UNC5D: variants seen among roughly 807,000 people sequenced by gnomAD.
UNC5D encodes netrin receptor UNC5D.
A neutral mutation model predicts 105.4 loss-of-function variants in UNC5D; 39 were observed. The observed-to-expected ratio is 0.37, with a 90% confidence interval of 0.29 to 0.48. The LOEUF (loss-of-function observed/expected upper bound fraction) is 0.48. Ranked by LOEUF, UNC5D falls within the 20% of genes least tolerant of loss-of-function variation. The pLI, the probability that UNC5D is intolerant of heterozygous loss-of-function variation, is 0.98. For synonymous variants in UNC5D, 452 were observed against 450.4 expected (o/e 1.00, Z -0.04); for missense variants, 991 against 1,202.4 (o/e 0.82, Z 2.60).
At chr8:35,462,481 T>A (rs1808972243) in intron 1 of UNC5D, among the ~76,000 whole-genome samples, 1 of 152,166 alleles carries the variant, frequency 6.6e-6, no homozygotes, top group Non-Finnish European at 1.5e-5. Context: ...TTATTATGCA[T>A]CATTTTAAAC....
intron 1 of UNC5D, among the ~76,000 whole-genome samples, chr8:35,404,045 T>C (rs1393136221): frequency 6.6e-6 from 1 of 152,178 alleles, no homozygotes; most frequent in Non-Finnish European, 1.5e-5. Context: ...GTCCCGCAGA[T>C]GGTATTCCCT....
intron 1 of UNC5D, among the ~76,000 whole-genome samples, chr8:35,481,642 T>TA (rs768191267): frequency 2.0e-5 from 3 of 152,188 alleles, no homozygotes; most frequent in Admixed American, 6.5e-5. Context: ...AGATTACTCT[T>TA]AAAAGGTGTA....
intron 2 of UNC5D, among the ~76,000 whole-genome samples, chr8:35,551,558 G>T (rs920763269): frequency 6.6e-6 from 1 of 152,084 alleles, no homozygotes; most frequent in Non-Finnish European, 1.5e-5. Flanking sequence ...GGTGGCTCAC[G>T]CCTGTAATCC....
chr8:35,425,053 G>T (rs1362579786), intron 1 of UNC5D, among the ~76,000 whole-genome samples: 1 of 152,138 alleles, frequency 6.6e-6, no homozygotes, highest in South Asian at 2.1e-4. Flanking sequence ...GGGAAGGGGG[G>T]AGGGATAGCA....
chr8:35,450,011 G>A (rs1808042534), intron 1 of UNC5D, among the ~76,000 whole-genome samples: 1 of 152,016 alleles, frequency 6.6e-6, no homozygotes, highest in Admixed American at 6.6e-5. Flanking sequence ...GACACATGCT[G>A]ATCTCTTTCC....
At chr8:35,251,466 G>C (rs1803689508) in intron 1 of UNC5D, among the ~76,000 whole-genome samples, 1 of 152,156 alleles carries the variant, frequency 6.6e-6, no homozygotes, top group Non-Finnish European at 1.5e-5. Flanking sequence ...TTTGGGTGGG[G>C]ACACAGACAA....
intron 2 of UNC5D, among the ~76,000 whole-genome samples, chr8:35,553,563 A>C (rs1183391451): frequency 1.3e-5 from 2 of 152,294 alleles, no homozygotes; most frequent in East Asian, 3.9e-4. Flanking sequence ...AATCAATGTG[A>C]AAGAAATGTC....
At chr8:35,350,644 T>C (rs1812172803) in intron 1 of UNC5D, among the ~76,000 whole-genome samples, 2 of 152,088 alleles carry the variant, frequency 1.3e-5, no homozygotes, top group Non-Finnish European at 1.5e-5. Flanking sequence ...GTCCAAATGA[T>C]TATTTTTGGC....
chr8:35,355,761 A>T (rs543643268), intron 1 of UNC5D, among the ~76,000 whole-genome samples: 1 of 152,178 alleles, frequency 6.6e-6, no homozygotes, highest in Non-Finnish European at 1.5e-5. Flanking sequence ...GAATGAGATT[A>T]TAAAAGGTCA....
chr8:35,605,405 G>T (rs947635349), intron 4 of UNC5D, among the ~76,000 whole-genome samples: 2 of 152,218 alleles, frequency 1.3e-5, no homozygotes, highest in African/African-American at 4.8e-5. Flanking sequence ...TCCTCTGGAA[G>T]TTTTGTCTCA....
At chr8:35,506,526 T>G (rs1446058349) in intron 1 of UNC5D, among the ~76,000 whole-genome samples, 3 of 152,222 alleles carry the variant, frequency 2.0e-5, no homozygotes, top group Non-Finnish European at 2.9e-5. Flanking sequence ...GGTATAATCA[T>G]TCAGTGTCAG....
chr8:35,596,043 G>C (rs1327641071), intron 4 of UNC5D, among the ~76,000 whole-genome samples: 1 of 152,168 alleles, frequency 6.6e-6, no homozygotes, highest in East Asian at 1.9e-4. Context: ...CATAGGAAAG[G>C]TCAGAAGACC....
chr8:35,787,900 C>A (rs1802823335), intron 16 of UNC5D, among the ~76,000 whole-genome samples: 2 of 152,174 alleles, frequency 1.3e-5, no homozygotes, highest in African/African-American at 2.4e-5. Flanking sequence ...AAACAAATTT[C>A]TTAAATAAGA....
At chr8:35,254,032 G>C (rs1458936243) in intron 1 of UNC5D, among the ~76,000 whole-genome samples, 3 of 152,094 alleles carry the variant, frequency 2.0e-5, no homozygotes, top group Non-Finnish European at 4.4e-5. Flanking sequence ...TCTCGAAACT[G>C]TCCCACAATT....
chr8:35,546,838 C>A (rs1019727546), intron 1 of UNC5D, among the ~76,000 whole-genome samples: 1 of 152,038 alleles, frequency 6.6e-6, no homozygotes, highest in African/African-American at 2.4e-5. Context: ...ACCCCGAAAC[C>A]CCTCTTACTC....
chr8:35,413,642 C>CA (rs1805342192), intron 1 of UNC5D, among the ~76,000 whole-genome samples: 1 of 152,068 alleles, frequency 6.6e-6, no homozygotes, highest in Non-Finnish European at 1.5e-5. Flanking sequence ...AAGGATCTCT[C>CA]TACCCAGGGA....
intron 4 of UNC5D, among the ~76,000 whole-genome samples, chr8:35,680,963 A>C (rs1225080139): frequency 6.6e-6 from 1 of 152,194 alleles, no homozygotes; most frequent in Middle Eastern, 3.2e-3. Context: ...TGAATTTCTG[A>C]CCTAGGAGGA....
chr8:35,245,288 G>C (rs566913137), intron 1 of UNC5D, among the ~76,000 whole-genome samples: 2 of 151,748 alleles, frequency 1.3e-5, no homozygotes, highest in South Asian at 4.2e-4. Flanking sequence ...TTTTAAGAGA[G>C]ATGGAAAAAA....
At chr8:35,400,202 G>A (rs1354972904) in intron 1 of UNC5D, among the ~76,000 whole-genome samples, 1 of 151,882 alleles carries the variant, frequency 6.6e-6, no homozygotes, top group South Asian at 2.1e-4. Context: ...TCTTTGTAGT[G>A]TAAGCCACTT....
Sources: gnomAD v4.1 joint callset for allele counts (sites outside exome capture counted in the v4.1 genomes callset) on GRCh38, gnomAD v4.1.1 for gene constraint, MANE v1.5 for transcripts, NCBI Gene and HGNC (gene_info 2026-07-23, HGNC 2026-07-21) for gene names.